The following SENP7 variants were observed in gnomAD, a reference collection of about 807,000 sequenced individuals.
SENP7 encodes SUMO specific peptidase 7, also known as sentrin-specific protease 7.
In SENP7, 64 loss-of-function variants were observed where a neutral mutation model predicts 141.2. The observed-to-expected ratio is 0.45, with a 90% CI of 0.37 to 0.56. The LOEUF (loss-of-function observed/expected upper bound fraction) is 0.56, where lower values mean the gene tolerates loss of function less well. Ranked by LOEUF, SENP7 falls within the 20% of genes least tolerant of loss-of-function variation. The pLI, the probability that SENP7 is intolerant of heterozygous loss-of-function variation, is 0.00. For missense variants in SENP7, 1,025 were observed against 1,212.2 expected (o/e 0.85, Z 2.29); for synonymous variants, 382 against 426.4 (o/e 0.90, Z 1.28).
chr3:101,495,754 T>C (rs1450355326), intron 2 of SENP7, among the ~76,000 whole-genome samples: 1 of 152,074 alleles, frequency 6.6e-6, no homozygotes, highest in Non-Finnish European at 1.5e-5. Flanking sequence ...GTCAGACCGG[T>C]AGAGGGAGCA....
intron 3 of SENP7, among the ~76,000 whole-genome samples, chr3:101,486,423 T>C (rs2064732442): frequency 6.6e-6 from 1 of 152,186 alleles, no homozygotes; most frequent in African/African-American, 2.4e-5. Flanking sequence ...GTAGAAACCC[T>C]AGAAGCTAGA....
At chr3:101,362,576 T>C (rs980155596) in intron 10 of SENP7, among the ~76,000 whole-genome samples, 2 of 152,156 alleles carry the variant, frequency 1.3e-5, no homozygotes, top group Admixed American at 1.3e-4. Flanking sequence ...ACCCAGATAA[T>C]ACCCAACAGG....
intron 3 of SENP7, among the ~76,000 whole-genome samples, chr3:101,478,597 T>C (rs1304293857): frequency 6.6e-6 from 1 of 152,184 alleles, no homozygotes; most frequent in East Asian, 1.9e-4. Flanking sequence ...GATGGCTTCA[T>C]TGCCAATTTC....
At chr3:101,386,943 G>A (rs992440767) in intron 6 of SENP7, among the ~76,000 whole-genome samples, 1 of 152,220 alleles carries the variant, frequency 6.6e-6, no homozygotes, top group Non-Finnish European at 1.5e-5. Flanking sequence ...AAATAGGCAA[G>A]CCCTGCCAAC....
intron 4 of SENP7, among the ~76,000 whole-genome samples, chr3:101,431,449 T>A (rs535150410): frequency 6.6e-6 from 1 of 152,086 alleles, no homozygotes; most frequent in African/African-American, 2.4e-5. Flanking sequence ...CTTCTTTGGT[T>A]TTTCTGATCT....
At chr3:101,465,064 G>A (rs2063715106) in intron 3 of SENP7, among the ~76,000 whole-genome samples, 1 of 152,076 alleles carries the variant, frequency 6.6e-6, no homozygotes, top group South Asian at 2.1e-4. Context: ...ATTCCTCAAT[G>A]TCACCAATGT....
At chr3:101,388,036 A>C (rs2060709184) in intron 6 of SENP7, among the ~76,000 whole-genome samples, 1 of 152,150 alleles carries the variant, frequency 6.6e-6, no homozygotes, top group Non-Finnish European at 1.5e-5. Context: ...TAGCCCAGCC[A>C]CCACAGACAC....
intron 16 of SENP7, among the ~76,000 whole-genome samples, chr3:101,339,586 C>T (rs1052876078): frequency 4.0e-5 from 6 of 151,882 alleles, no homozygotes; most frequent in African/African-American, 7.3e-5. Context: ...GGCGTGGTGG[C>T]GGGCGCCTGT....
Position 101,332,743 on chromosome 3 carries a change from T to A in SENP7, c.2573+27A>T, listed in dbSNP as rs368304512. On this transcript the variant is annotated intron_variant, in intron 18 of 23. Coordinates refer to ENST00000394095, the MANE Select transcript of SENP7 (RefSeq NM_020654.5). ...ATTTTTTTCTGAATTCTTTCCAATA[T>A]GTTCTTAAATAATCTGAAATACTTA... The A allele has an allele frequency of 2.6e-5, 36 of 1,408,238 alleles. No homozygotes were observed. The African/African-American group carries it at 5.2e-4, about 20-fold the overall frequency. The allele number at this position is 1,408,238 out of a possible 1,614,324, so 87.2% of individuals were successfully genotyped here.
At chr3:101,434,053 C>T (rs1224265176) in intron 4 of SENP7, among the ~76,000 whole-genome samples, 1 of 152,082 alleles carries the variant, frequency 6.6e-6, no homozygotes, top group Non-Finnish European at 1.5e-5. Flanking sequence ...AGTCTTAAAA[C>T]TTTCCAAAAA....
chr3:101,385,849 T>C (rs2060638459), intron 6 of SENP7, among the ~76,000 whole-genome samples: 1 of 152,086 alleles, frequency 6.6e-6, no homozygotes, highest in East Asian at 1.9e-4. Flanking sequence ...CTAAAAAAGG[T>C]AGCTCTCCTC....
chr3:101,443,221 G>T (rs2062750193), intron 4 of SENP7, among the ~76,000 whole-genome samples: 2 of 152,152 alleles, frequency 1.3e-5, no homozygotes, highest in South Asian at 2.1e-4. Context: ...TTTCCCCATT[G>T]CTTGTTTTTG....
rs758392360 is a variant in SENP7, at chr3:101,326,074, T to C, written c.3022A>G (p.Ile1008Val). ...TGAATTGGAAGTTCAAAGTTAACAA[T>C]AGGATCCTAATGAGAGGAAAAAAAG... ...QYVESFFKDP[I>V]VNFELPIHLE... The change falls in exon 24 of 24, where the codon ATT becomes GTT. Residue 1008 changes from isoleucine (I) to valine (V), a missense_variant. Coordinates refer to ENST00000394095, the MANE Select transcript of SENP7 (RefSeq NM_020654.5). 63 of 1,603,640 alleles carry C rather than the reference T, an allele frequency of 3.9e-5. No homozygotes were observed. The highest frequency in any genetic ancestry group is 4.7e-5 in the Non-Finnish European group (55 of 1,174,818).
intron 22 of SENP7, 86 bp downstream of exon 22, chr3:101,328,392 T>C (rs1416697294): frequency 1.1e-5 from 9 of 849,376 alleles, no homozygotes; most frequent in Non-Finnish European, 1.2e-5. Flanking sequence ...ATTCCTGATA[T>C]AGTCTTTTCA....
intron 6 of SENP7, among the ~76,000 whole-genome samples, chr3:101,395,561 A>G (rs181210236): frequency 6.6e-6 from 1 of 152,346 alleles, no homozygotes; most frequent in Non-Finnish European, 1.5e-5. Context: ...GAAGTCAGGT[A>G]GTGTAATGCC....
rs780637194 is a variant in SENP7, at chr3:101,341,634, G to A, written c.2240+12C>T. The A allele has an allele frequency of 6.4e-7, 1 of 1,561,478 alleles. No individual in the cohort carries two copies. The highest frequency in any genetic ancestry group is 1.2e-5 in the South Asian group (1 of 83,156). On this transcript the variant is annotated intron_variant, in intron 15 of 23. Transcript: ENST00000394095. ...TGCCCATCTACTACAAACATGCTAT[G>A]ACAGTACATACTTCTGAACAAGTCC... is the stretch of plus-strand genomic sequence containing the variant.
At chr3:101,419,100 A>G (rs531722486) in intron 4 of SENP7, among the ~76,000 whole-genome samples, 1 of 152,316 alleles carries the variant, frequency 6.6e-6, no homozygotes, top group South Asian at 2.1e-4. Context: ...TGAGAATATG[A>G]CCTTGAAGCT....
In SENP7 at chr3:101,444,672, C is replaced by T. The variant is rs1030744745; in HGVS notation, c.284+14283G>A. Among the ~76,000 whole-genome samples the T allele has an allele frequency of 2.8e-5, 4 of 141,672 alleles. No individual in the cohort carries two copies. The East Asian group carries it at 6.2e-4, about 22-fold the overall frequency. The allele number at this position is 141,672 out of a possible 152,430, so 92.9% of individuals were successfully genotyped here. On this transcript the variant is annotated intron_variant, in intron 4 of 23. Coordinates refer to ENST00000394095, the MANE Select transcript of SENP7 (RefSeq NM_020654.5). ...AAACCAAACACCGTATACTCTCACT[C>T]ATAGGTGGGAATTGAACAATGAGAA...
intron 3 of SENP7, among the ~76,000 whole-genome samples, chr3:101,468,361 C>T (rs539194403): frequency 6.6e-6 from 1 of 152,220 alleles, no homozygotes; most frequent in South Asian, 2.1e-4. Flanking sequence ...CAGAGAACAC[C>T]ACAAAGATAC....
Sources: allele counts gnomAD v4.1 joint callset (sites outside exome capture counted in the v4.1 genomes callset), GRCh38; gene constraint gnomAD v4.1.1; transcripts MANE v1.5; gene names NCBI Gene and HGNC (gene_info 2026-07-23, HGNC 2026-07-21).